The following SUGCT variants were observed in gnomAD, a reference collection of about 807,000 sequenced individuals.
The protein encoded by SUGCT is succinyl-CoA:glutarate CoA-transferase.
In SUGCT, 41 loss-of-function variants were observed where a neutral mutation model predicts 55.0. That is an observed-to-expected ratio of 0.74 (90% CI 0.58 to 0.97). The LOEUF (loss-of-function observed/expected upper bound fraction) is 0.97, where lower values mean the gene tolerates loss of function less well. Ranked by LOEUF, SUGCT falls within the 50% of genes least tolerant of loss-of-function variation. The pLI is 0.00. For missense variants in SUGCT, 568 were observed against 547.8 expected, an observed-to-expected ratio of 1.04 and a Z score of -0.37; for synonymous variants, 187 against 200.4, an observed-to-expected ratio of 0.93 and a Z score of 0.56.
At chr7:40,606,586 C>T (rs1232439885) in intron 12 of SUGCT, among the ~76,000 whole-genome samples, 2 of 152,158 alleles carry the variant, frequency 1.3e-5, no homozygotes, top group East Asian at 3.9e-4. Context: ...CTGCTTTTAC[C>T]ACATTAAACA....
At chr7:40,954,092 GGCTCCACCCAGTTCGA>G in the SUGCT span, among the ~76,000 whole-genome samples, 3,218 of 152,296 alleles carry the variant, frequency 0.021, 61 homozygotes, top group Middle Eastern at 0.058. Context: ...AGCTGCAGTG[GGCTCCACCCAGTTCGA>G]GCTTCCTGGC....
At chr7:40,222,261 G>C (rs370409362) in intron 6 of SUGCT, among the ~76,000 whole-genome samples, 1 of 152,222 alleles carries the variant, frequency 6.6e-6, no homozygotes, top group Admixed American at 6.5e-5. Flanking sequence ...ACAATGCCCC[G>C]TGTTACAATA....
downstream of SUGCT, among the ~76,000 whole-genome samples, chr7:40,861,459 A>T (rs1990190): frequency 0.015 from 2,321 of 152,284 alleles, 144 homozygotes; most frequent in East Asian, 0.1. Context: ...CGTATGTTCC[A>T]GGATAAATTG....
At chr7:40,748,536 T>A (rs1787852315) in intron 12 of SUGCT, among the ~76,000 whole-genome samples, 2 of 151,880 alleles carry the variant, frequency 1.3e-5, no homozygotes, top group Non-Finnish European at 2.9e-5. Flanking sequence ...TTAGTTTTTT[T>A]ATGATTTTTG....
chr7:40,508,433 C>T (rs1195038560), intron 12 of SUGCT, among the ~76,000 whole-genome samples: 1 of 152,194 alleles, frequency 6.6e-6, no homozygotes, highest in East Asian at 1.9e-4. Context: ...CAGCAGCCTG[C>T]TCCTCATGGG....
the SUGCT span, among the ~76,000 whole-genome samples, chr7:40,933,894 C>T: frequency 7.9e-5 from 12 of 152,230 alleles, no homozygotes; most frequent in South Asian, 1.0e-3. Context: ...TCCTTTAGCT[C>T]GGAGAAGTTT....
chr7:40,939,197 A>G, the SUGCT span, among the ~76,000 whole-genome samples: 39 of 152,192 alleles, frequency 2.6e-4, no homozygotes, highest in Non-Finnish European at 4.7e-4. Context: ...GCAGCAGGCA[A>G]AGACAGAATG....
intron 12 of SUGCT, among the ~76,000 whole-genome samples, chr7:40,615,615 T>G (rs914796081): frequency 2.6e-5 from 4 of 152,228 alleles, no homozygotes; most frequent in Non-Finnish European, 5.9e-5. Flanking sequence ...CATCTGCTGT[T>G]CAGTGGAGAA....
intron 8 of SUGCT, among the ~76,000 whole-genome samples, chr7:40,280,599 T>TGTACATTGATC: frequency 6.6e-6 from 1 of 152,340 alleles, no homozygotes; most frequent in South Asian, 2.1e-4. Context: ...ATTGATCATA[T>TGTACATTGATC]TACATGAACA....
intron 12 of SUGCT, among the ~76,000 whole-genome samples, chr7:40,624,774 C>A (rs1003245980): frequency 1.4e-4 from 4 of 28,286 alleles, no homozygotes; most frequent in Non-Finnish European, 1.9e-4. Context: ...TCTGTGCAAA[C>A]ACACACACAC....
chr7:40,910,410 G>A, the SUGCT span, among the ~76,000 whole-genome samples: 1 of 152,180 alleles, frequency 6.6e-6, no homozygotes, highest in Non-Finnish European at 1.5e-5. Context: ...AACTTATCAT[G>A]TGCTGGGTCA....
At chr7:40,600,723 A>G (rs1421471944) in intron 12 of SUGCT, among the ~76,000 whole-genome samples, 1 of 143,028 alleles carries the variant, frequency 7.0e-6, no homozygotes, top group Non-Finnish European at 1.5e-5. Context: ...CAAGGTAGAG[A>G]GTTTTTTTTT....
chr7:40,313,911 G>A (rs1795293546), intron 8 of SUGCT, among the ~76,000 whole-genome samples: 1 of 151,970 alleles, frequency 6.6e-6, no homozygotes, highest in African/African-American at 2.4e-5. Context: ...TTTTTTCATG[G>A]CAATTGGCTT....
intron 12 of SUGCT, among the ~76,000 whole-genome samples, chr7:40,623,216 A>G (rs528488782): frequency 2.2e-4 from 33 of 152,314 alleles, no homozygotes; most frequent in African/African-American, 7.7e-4. Flanking sequence ...TCTCCATGCC[A>G]GGGACTCCAT....
At chr7:41,036,853 T>G in the SUGCT span, among the ~76,000 whole-genome samples, 1 of 152,216 alleles carries the variant, frequency 6.6e-6, no homozygotes, top group Non-Finnish European at 1.5e-5. Flanking sequence ...TACATGTACC[T>G]TAAGCTTGGC....
chr7:40,881,063 T>C, the SUGCT span, among the ~76,000 whole-genome samples: 1 of 152,238 alleles, frequency 6.6e-6, no homozygotes, highest in Non-Finnish European at 1.5e-5. Flanking sequence ...ACTTCTACCT[T>C]ATCCCTTCAC....
chr7:40,649,873 G>C (rs1800690325), intron 12 of SUGCT, among the ~76,000 whole-genome samples: 1 of 152,068 alleles, frequency 6.6e-6, no homozygotes, highest in Admixed American at 6.6e-5. Flanking sequence ...TAATATATTG[G>C]TTATTTATTG....
chr7:40,671,619 T>G (rs541483446), intron 12 of SUGCT, among the ~76,000 whole-genome samples: 1 of 152,266 alleles, frequency 6.6e-6, no homozygotes, highest in South Asian at 2.1e-4. Context: ...TTACATTCTC[T>G]CAAGGATAAA....
At chr7:40,857,547 C>A (rs1165310331) in intron 13 of SUGCT, among the ~76,000 whole-genome samples, 2 of 146,270 alleles carry the variant, frequency 1.4e-5, no homozygotes, top group Non-Finnish European at 3.0e-5. Flanking sequence ...CAGTGTAGAT[C>A]TGGAAGCTAC....
Sources: gnomAD v4.1 joint callset for allele counts (sites outside exome capture counted in the v4.1 genomes callset) on GRCh38, gnomAD v4.1.1 for gene constraint, MANE v1.5 for transcripts, NCBI Gene and HGNC (gene_info 2026-07-23, HGNC 2026-07-21) for gene names.